CCNY: variants seen among roughly 807,000 people sequenced by gnomAD.
The protein encoded by CCNY is cyclin-Y.
A neutral mutation model predicts 42.8 loss-of-function variants in CCNY; 19 were observed. That is an observed-to-expected ratio of 0.44 (90% CI 0.31 to 0.65). The LOEUF is 0.65. CCNY is among the 30% of genes least tolerant of loss of function. The pLI is 0.07. For synonymous variants in CCNY, 165 were observed against 162.7 expected (o/e 1.01, Z -0.11); for missense variants, 370 against 437.3 (o/e 0.85, Z 1.37).
intron 3 of CCNY, among the ~76,000 whole-genome samples, chr10:35,295,314 C>T (rs548465535): frequency 2.0e-5 from 3 of 151,834 alleles, no homozygotes; most frequent in Admixed American, 6.6e-5. Context: ...TCACCACAAC[C>T]TCTGCCTCCC....
rs182480950 is a variant in CCNY, at chr10:35,408,508, G to T, written c.154+71301G>T. Among the ~76,000 whole-genome samples the T allele has an allele frequency of 4.6e-5, 7 of 151,860 alleles. No individual in the cohort carries two copies. In the East Asian group the frequency reaches 1.4e-3, roughly 29 times the overall value. ...TGGATCTCGCACATTCTCAAGGGCG[G>T]GGAGAATTACAAAGAACCTTCTTAA... On this transcript the variant is annotated intron_variant, in intron 1 of 9. Transcript: ENST00000374704.
chr10:35,427,225 A>G (rs1838291280), intron 1 of CCNY, among the ~76,000 whole-genome samples: 1 of 152,190 alleles, frequency 6.6e-6, no homozygotes, highest in Non-Finnish European at 1.5e-5. Flanking sequence ...CGTTGTTGGT[A>G]GCTGGATGGA....
intron 8 of CCNY, among the ~76,000 whole-genome samples, chr10:35,559,082 A>G (rs542358022): frequency 6.6e-6 from 1 of 152,362 alleles, no homozygotes; most frequent in African/African-American, 2.4e-5. Flanking sequence ...GTGAAGACTC[A>G]GAAAAGAGGA....
At chr10:35,267,634 G>A (rs2095726973) in intron 3 of CCNY, among the ~76,000 whole-genome samples, 1 of 152,152 alleles carries the variant, frequency 6.6e-6, no homozygotes, top group South Asian at 2.1e-4. Flanking sequence ...AGACGATGGG[G>A]CCCTGGTTGC....
At chr10:35,568,906 G>A in intron 9 of CCNY, 148 bp from the exon 10 acceptor site, 3 of 646,474 alleles carry the variant, frequency 4.6e-6, no homozygotes, top group East Asian at 2.6e-5. Flanking sequence ...TCTCCCTGCT[G>A]CCAGCAGAGA....
intron 3 of CCNY, among the ~76,000 whole-genome samples, chr10:35,309,957 T>C (rs976807661): frequency 6.6e-6 from 1 of 152,088 alleles, no homozygotes; most frequent in Non-Finnish European, 1.5e-5. Context: ...CCCGCCACCA[T>C]GCCCAGCTAA....
At chr10:35,456,466 T>C (rs915470040) in intron 1 of CCNY, among the ~76,000 whole-genome samples, 1 of 152,268 alleles carries the variant, frequency 6.6e-6, no homozygotes, top group East Asian at 1.9e-4. Context: ...AGATCATTGA[T>C]TGCACAGGAT....
At position 35,336,880 on chromosome 10, in the gene CCNY, C is replaced by G. The variant is rs1836046863; in HGVS notation, c.-174C>G. On this transcript the variant is annotated 5_prime_UTR_variant, in exon 1 of 10. Transcript: ENST00000374704. ...GCCGCCGCCGCCCATGGCGAGGCCC[C>G]GCCGCCGCCGCCGCTGCTGACCCGG... is the stretch of plus-strand genomic sequence containing the variant. The G allele has an allele frequency of 5.5e-6, 1 of 181,356 alleles. No individual in the cohort carries two copies. The highest frequency in any genetic ancestry group is 1.0e-5 in the Non-Finnish European group (1 of 100,368). The allele number at this position is 181,356 out of a possible 1,614,324, so 11.2% of individuals were successfully genotyped here.
chr10:35,416,772 T>G lies in CCNY; in HGVS notation c.155-66632T>G, dbSNP rs563344045. The stretch of plus-strand genomic sequence containing the variant: ...AGGAGGGCCGCGGACCACCTGCTTT[T>G]GTGGCCCTGTTGCCCTGGAGATCAC... On this transcript the variant is annotated intron_variant, in intron 1 of 9. Coordinates refer to ENST00000374704, the MANE Select transcript of CCNY (RefSeq NM_145012.6). Among the ~76,000 whole-genome samples the G allele has an allele frequency of 2.0e-5, 3 of 152,312 alleles. No homozygotes were observed. In the East Asian group the frequency reaches 5.8e-4, roughly 29 times the overall value.
At position 35,337,166 on chromosome 10, in the gene CCNY, G is replaced by C. The variant is rs771269744; in HGVS notation, c.113G>C (p.Gly38Ala). Reference protein sequence around the residue: ...PDTDLSREDTGCNLQHISDRE... With the variant: ...PDTDLSREDTACNLQHISDRE... ...ACGGACCTGAGCCGCGAGGACACGG[G>C]CTGCAACCTGCAGCACATCAGCGAC... The change falls in exon 1 of 10, where the codon GGC (glycine) becomes GCC (alanine). Residue 38 changes from glycine to alanine, a missense_variant. By Grantham distance (60) the Gly-to-Ala change is moderately conservative (BLOSUM62 0). This residue lies in a region of CCNY where 136 missense variants were observed against 124.2 expected (regional missense o/e 1.09). Transcript: ENST00000374704. 5.1e-6 allele frequency: 8 copies of C among 1,574,868 alleles called. No individual in the cohort carries two copies. The highest frequency in any genetic ancestry group is 6.9e-6 in the Non-Finnish European group (8 of 1,162,788).
At chr10:35,416,160 C>CGTGTGTGTGTGTGTGTGTGTGTGT (rs57188309) in intron 1 of CCNY, among the ~76,000 whole-genome samples, 113 of 144,586 alleles carry the variant, frequency 7.8e-4, no homozygotes, top group African/African-American at 2.2e-3. Flanking sequence ...TTGTGGCACC[C>CGTGTGTGTGTGTGTGTGTGTGTGT]GTGTGTGTGT....
At chr10:35,563,274 C>G (rs1205941651) in intron 8 of CCNY, among the ~76,000 whole-genome samples, 1 of 152,144 alleles carries the variant, frequency 6.6e-6, no homozygotes, top group Non-Finnish European at 1.5e-5. Context: ...GAAACTCAAG[C>G]TTGGAGAAGG....
chr10:35,305,458 C>T (rs546907793), intron 3 of CCNY, among the ~76,000 whole-genome samples: 10 of 152,290 alleles, frequency 6.6e-5, no homozygotes, highest in African/African-American at 1.2e-4. Context: ...TTTTGGAAAT[C>T]TGCATGTTTA....
At chr10:35,319,172 C>T (rs772300844) in intron 3 of CCNY, among the ~76,000 whole-genome samples, 2 of 152,062 alleles carry the variant, frequency 1.3e-5, no homozygotes, top group Non-Finnish European at 2.9e-5. Context: ...GCTGTGTTGC[C>T]CAGAACTCTT....
intron 1 of CCNY, among the ~76,000 whole-genome samples, chr10:35,468,377 G>A (rs1184359994): frequency 1.3e-5 from 2 of 152,206 alleles, no homozygotes; most frequent in Non-Finnish European, 2.9e-5. Flanking sequence ...TCAGTCTGTA[G>A]TGATTGTGTT....
intron 3 of CCNY, among the ~76,000 whole-genome samples, chr10:35,286,254 C>G (rs1056757327): frequency 7.9e-5 from 12 of 151,954 alleles, no homozygotes; most frequent in African/African-American, 2.9e-4. Context: ...TTGATGATAT[C>G]TCTCCATACA....
chr10:35,317,767 G>T lies in CCNY; in HGVS notation c.-9+67141G>T, dbSNP rs114299434. ...GACGTGGGGAATGGTGATGGTGAGT[G>T]AAGACTCACTTTGTCTTCAAATATC... On this transcript the variant is annotated intron_variant, in intron 3 of 11. Transcript: ENST00000374706. Among the ~76,000 whole-genome samples, 1,038 of 152,312 alleles carry T rather than the reference G, an allele frequency of 6.8e-3. 11 individuals are homozygous for T. The highest frequency in any genetic ancestry group is 0.024 in the African/African-American group (993 of 41,570).
chr10:35,433,375 CCT>C lies in CCNY; in HGVS notation c.155-50026_155-50025del, dbSNP rs1838456167. ...CCTTATTTTTATTTATCTAATAAAA[CCT>C]CTATTTTGGGGTTTCTTTTCATACC... On this transcript the variant is annotated intron_variant, in intron 1 of 9. Transcript: ENST00000374704. Among the ~76,000 whole-genome samples, 6 of 151,958 alleles carry C rather than the reference CCT, an allele frequency of 3.9e-5. No homozygotes were observed. In the South Asian group the frequency reaches 1.2e-3, roughly 31 times the overall value.
chr10:35,354,839 T>G (rs897450334), intron 1 of CCNY, among the ~76,000 whole-genome samples: 1 of 149,288 alleles, frequency 6.7e-6, no homozygotes, highest in Non-Finnish European at 1.5e-5. Context: ...TGAGGCAGCT[T>G]TCTCCTTCAG....
Sources: gnomAD v4.1 joint callset for allele counts (sites outside exome capture counted in the v4.1 genomes callset) on GRCh38, gnomAD v4.1.1 for gene constraint, gnomAD v4.1.1 regional missense constraint, MANE v1.5 for transcripts, NCBI Gene and HGNC (gene_info 2026-07-23, HGNC 2026-07-21) for gene names.